CNTN4: variants seen among roughly 807,000 people sequenced by gnomAD.
CNTN4 encodes the protein contactin-4.
In CNTN4, 77 loss-of-function variants were observed where a neutral mutation model predicts 122.5. The observed-to-expected ratio is 0.63, with a 90% confidence interval of 0.52 to 0.76. The LOEUF is 0.76. Ranked by LOEUF, CNTN4 falls within the 30% of genes least tolerant of loss-of-function variation. CNTN4 has a pLI of 0.00. For synonymous variants in CNTN4, 512 were observed against 447.0 expected, an observed-to-expected ratio of 1.15 and a Z score of -1.83; for missense variants, 1,256 against 1,259.1, an observed-to-expected ratio of 1.00 and a Z score of 0.04.
intron 6 of CNTN4, among the ~76,000 whole-genome samples, chr3:2,772,341 G>GA (rs2091139795): frequency 1.3e-5 from 2 of 151,756 alleles, no homozygotes; most frequent in Admixed American, 1.3e-4. Flanking sequence ...AGGCATATTT[G>GA]AAAAATACTT....
intron 3 of CNTN4, among the ~76,000 whole-genome samples, chr3:2,409,249 C>CT (rs372224744): frequency 0.24 from 32,068 of 132,572 alleles, 4,288 homozygotes; most frequent in Middle Eastern, 0.35. Flanking sequence ...CTTTTCTTTT[C>CT]TTTTTTTTTT....
At chr3:2,261,582 A>G (rs2040834882) in intron 2 of CNTN4, among the ~76,000 whole-genome samples, 1 of 152,188 alleles carries the variant, frequency 6.6e-6, no homozygotes, top group South Asian at 2.1e-4. Context: ...TACATTTGCC[A>G]TCTGGGATAG....
intron 4 of CNTN4, among the ~76,000 whole-genome samples, chr3:2,727,624 C>A (rs1449115625): frequency 1.3e-5 from 2 of 152,146 alleles, no homozygotes; most frequent in Non-Finnish European, 2.9e-5. Flanking sequence ...AAGGAGAGAC[C>A]CTTTTTAGCT....
chr3:2,215,883 C>CAAAAAAAAAA (rs869205172), intron 2 of CNTN4, among the ~76,000 whole-genome samples: 2 of 60,258 alleles, frequency 3.3e-5, no homozygotes, highest in African/African-American at 1.3e-4. Context: ...GCCTCTGTCT[C>CAAAAAAAAAA]AAAAAAAAAA....
At chr3:2,721,561 A>T (rs1252579561) in intron 4 of CNTN4, among the ~76,000 whole-genome samples, 1 of 152,140 alleles carries the variant, frequency 6.6e-6, no homozygotes, top group Non-Finnish European at 1.5e-5. Context: ...AGGCACACCT[A>T]CTGCTGTGTG....
chr3:2,392,874 C>T (rs988948180), intron 3 of CNTN4, among the ~76,000 whole-genome samples: 4 of 152,094 alleles, frequency 2.6e-5, no homozygotes, highest in African/African-American at 7.2e-5. Context: ...AACACCAAAA[C>T]TCATTCCTCC....
intron 2 of CNTN4, among the ~76,000 whole-genome samples, chr3:2,135,205 G>T (rs562892777): frequency 3.3e-5 from 5 of 152,140 alleles, no homozygotes; most frequent in Non-Finnish European, 7.4e-5. Context: ...GAGGAAGCCA[G>T]ATGAGATAAA....
chr3:2,584,315 C>A (rs766753184), intron 4 of CNTN4, among the ~76,000 whole-genome samples: 6 of 151,772 alleles, frequency 4.0e-5, no homozygotes, highest in Admixed American at 6.6e-5. Context: ...GAGCCGCATG[C>A]CTTCTGGCCT....
intron 12 of CNTN4, among the ~76,000 whole-genome samples, chr3:2,904,966 A>G (rs1385196701): frequency 1.3e-5 from 2 of 152,168 alleles, no homozygotes; most frequent in Non-Finnish European, 2.9e-5. Context: ...CAAAGTGAGA[A>G]AAGCTGCTTA....
chr3:2,390,904 G>C (rs984459482), intron 3 of CNTN4, among the ~76,000 whole-genome samples: 1 of 152,054 alleles, frequency 6.6e-6, no homozygotes, highest in Non-Finnish European at 1.5e-5. Flanking sequence ...CTCAAAAATG[G>C]CATTTTCTTC....
At position 2,821,441 on chromosome 3, in the gene CNTN4, G is replaced by C. The variant is rs576293048; in HGVS notation, c.454+1860G>C. 2.0e-5 allele frequency among the ~76,000 whole-genome samples: 3 copies of C among 152,296 alleles called. No homozygotes were observed. The South Asian group carries it at 6.2e-4, about 32-fold the overall frequency. On this transcript the variant is annotated intron_variant, in intron 7 of 24. Transcript: ENST00000418658. ...AAGCAAAGACAAAAGGCAATGATTT[G>C]TTTTTGCTTGTTTTTGTCCATTTCA...
chr3:2,247,319 C>T (rs1005043701), intron 2 of CNTN4, among the ~76,000 whole-genome samples: 1 of 151,926 alleles, frequency 6.6e-6, no homozygotes, highest in African/African-American at 2.4e-5. Flanking sequence ...AGATGAAAGC[C>T]AATTTCTGTA....
rs185957743 is a variant in CNTN4 at position 2,586,219 on chromosome 3, C to T, written c.55+14661C>T. Among the ~76,000 whole-genome samples the T allele has an allele frequency of 3.8e-3, 583 of 152,208 alleles. 2 individuals are homozygous for T. Among genetic ancestry groups the T allele is most frequent in the Non-Finnish European group, 5.2e-3 (351 of 68,006 alleles). The stretch of plus-strand genomic sequence containing the variant: ...CTTTGTCCTAGTCAACCTTAGCTTC[C>T]GACCTTACTGTGTTCCTTCCAGTGC... On this transcript the variant is annotated intron_variant, in intron 4 of 24. Coordinates refer to ENST00000418658, the MANE Select transcript of CNTN4 (RefSeq NM_175607.3).
chr3:2,552,911 G>A (rs1349973865), intron 3 of CNTN4, among the ~76,000 whole-genome samples: 1 of 152,152 alleles, frequency 6.6e-6, no homozygotes, highest in Admixed American at 6.6e-5. Context: ...GAAGTGTGTT[G>A]AGTAGGCACC....
chr3:2,773,998 G>C (rs545199824), intron 6 of CNTN4, among the ~76,000 whole-genome samples: 3 of 152,066 alleles, frequency 2.0e-5, no homozygotes, highest in Non-Finnish European at 4.4e-5. Context: ...GACCTCAAGT[G>C]ATCCACTTGC....
chr3:3,050,275 G>A (rs2125875500), intron 23 of CNTN4, among the ~76,000 whole-genome samples: 1 of 151,632 alleles, frequency 6.6e-6, no homozygotes, highest in Middle Eastern at 3.4e-3. Context: ...GTTTTTAAAT[G>A]TTCATGTCTA....
At chr3:2,220,495 A>G (rs2039020234) in intron 2 of CNTN4, among the ~76,000 whole-genome samples, 1 of 152,150 alleles carries the variant, frequency 6.6e-6, no homozygotes, top group African/African-American at 2.4e-5. Flanking sequence ...GTATCTGTCT[A>G]CTTTGTCAAG....
At chr3:2,239,620 T>C (rs2039851406) in intron 2 of CNTN4, among the ~76,000 whole-genome samples, 1 of 152,154 alleles carries the variant, frequency 6.6e-6, no homozygotes, top group Non-Finnish European at 1.5e-5. Context: ...TTAGGTTCCT[T>C]TTATTTCGTA....
At chr3:3,031,499 T>G (rs1391700668) in intron 16 of CNTN4, among the ~76,000 whole-genome samples, 2 of 152,038 alleles carry the variant, frequency 1.3e-5, no homozygotes, top group African/African-American at 4.8e-5. Context: ...ATGTAGTAAA[T>G]GAGCTGAGAG....
Sources: allele counts gnomAD v4.1 joint callset (sites outside exome capture counted in the v4.1 genomes callset), GRCh38; gene constraint gnomAD v4.1.1; transcripts MANE v1.5; gene names NCBI Gene and HGNC (gene_info 2026-07-23, HGNC 2026-07-21).